FGF12: variants seen among roughly 807,000 people sequenced by gnomAD.
The protein encoded by FGF12 is fibroblast growth factor 12B.
Under a neutral mutation model 23.6 loss-of-function variants are expected in FGF12, and 14 were observed. The ratio of observed to expected loss-of-function variants is 0.59; its 90% CI spans 0.39 to 0.93. The LOEUF (loss-of-function observed/expected upper bound fraction) is 0.93, where lower values mean the gene tolerates loss of function less well. Among genes scored for constraint, FGF12 ranks in the 40% least tolerant of loss-of-function variants. The pLI is 0.00. For missense variants in FGF12, 175 were observed against 217.8 expected (o/e 0.80, Z 1.24); for synonymous variants, 62 against 77.3 (o/e 0.80, Z 1.04).
intron 2 of FGF12, among the ~76,000 whole-genome samples, chr3:192,685,165 C>A (rs1717686948): frequency 6.6e-6 from 1 of 152,146 alleles, no homozygotes; most frequent in Admixed American, 6.5e-5. Context: ...ATTCTCCAGC[C>A]TCAGCCTCCC....
chr3:192,619,062 C>G (rs1714874168), intron 2 of FGF12, among the ~76,000 whole-genome samples: 1 of 151,818 alleles, frequency 6.6e-6, no homozygotes, highest in Non-Finnish European at 1.5e-5. Flanking sequence ...ATTAAATTAG[C>G]TAATTAAAGG....
intron 2 of FGF12, among the ~76,000 whole-genome samples, chr3:192,417,373 T>G (rs1408873719): frequency 7.1e-6 from 1 of 140,964 alleles, no homozygotes; most frequent in Non-Finnish European, 1.5e-5. Context: ...AAAAAAAAAA[T>G]GCTAAAAATG....
chr3:192,677,687 C>T (rs1022075109), intron 2 of FGF12, among the ~76,000 whole-genome samples: 2 of 152,176 alleles, frequency 1.3e-5, no homozygotes, highest in Non-Finnish European at 1.5e-5. Flanking sequence ...TGACCTCAAC[C>T]TTTTATTATA....
At position 192,678,723 on chromosome 3, in the gene FGF12, C is replaced by T. The variant is rs145820983; in HGVS notation, c.13+48458G>A. 3.6e-3 allele frequency among the ~76,000 whole-genome samples: 549 copies of T among 152,220 alleles called. 3 individuals are homozygous for T. The highest frequency in any genetic ancestry group is 0.013 in the African/African-American group (520 of 41,534). On this transcript the variant is annotated intron_variant, in intron 2 of 5. Transcript: ENST00000445105. ...GTAAGAAGTTCTCCATAAACATTTA[C>T]GGGATAAAGAAAAACAGGGTCAGTG...
intron 4 of FGF12, among the ~76,000 whole-genome samples, chr3:192,225,237 A>G (rs997067742): frequency 6.6e-6 from 1 of 152,134 alleles, no homozygotes; most frequent in African/African-American, 2.4e-5. Flanking sequence ...AAACCTCAGT[A>G]TGCTCATCCT....
At chr3:192,445,548 G>T (rs1275722969) in intron 2 of FGF12, among the ~76,000 whole-genome samples, 2 of 152,096 alleles carry the variant, frequency 1.3e-5, no homozygotes, top group Non-Finnish European at 2.9e-5. Context: ...TTCACCCCAA[G>T]AACATCCTTA....
At chr3:192,276,492 A>G (rs1713796511) in intron 4 of FGF12, among the ~76,000 whole-genome samples, 2 of 152,210 alleles carry the variant, frequency 1.3e-5, no homozygotes, top group Non-Finnish European at 2.9e-5. Flanking sequence ...CAGATAACCA[A>G]GGTGCCTTAT....
Position 192,270,896 on chromosome 3 carries a change from T to G in FGF12, c.228+64465A>C, listed in dbSNP as rs142984414. Among the ~76,000 whole-genome samples the G allele has an allele frequency of 3.6e-3, 551 of 152,192 alleles. 3 individuals are homozygous for G. The highest frequency in any genetic ancestry group is 7.1e-3 in the South Asian group (34 of 4,818). ...AATAGGGAGATATAATGGGTGTTGG[T>G]GGATGTTAGAATTCCACCAAAAACA... On this transcript the variant is annotated intron_variant, in intron 4 of 5. Coordinates refer to ENST00000445105, the MANE Select transcript of FGF12 (RefSeq NM_004113.6).
chr3:192,206,768 T>A (rs1450525860), intron 4 of FGF12, among the ~76,000 whole-genome samples: 1 of 152,162 alleles, frequency 6.6e-6, no homozygotes. Context: ...TTGAAACAAA[T>A]GGTGAGCAAA....
At chr3:192,320,030 A>G (rs1716451075) in intron 4 of FGF12, among the ~76,000 whole-genome samples, 1 of 152,206 alleles carries the variant, frequency 6.6e-6, no homozygotes, top group South Asian at 2.1e-4. Flanking sequence ...TAAATGAAAT[A>G]ACTATCCAAT....
intron 2 of FGF12, among the ~76,000 whole-genome samples, chr3:192,407,337 T>C (rs1387205700): frequency 6.6e-6 from 1 of 152,038 alleles, no homozygotes; most frequent in African/African-American, 2.4e-5. Context: ...AGTATGGTAA[T>C]AGGACAGAAA....
intron 4 of FGF12, among the ~76,000 whole-genome samples, chr3:192,206,066 G>A (rs1717635092): frequency 6.6e-6 from 1 of 152,214 alleles, no homozygotes; most frequent in Non-Finnish European, 1.5e-5. Flanking sequence ...TGCTAATATG[G>A]AGACAATTAC....
chr3:192,711,368 T>TG lies in FGF12; in HGVS notation c.13+15812dup, dbSNP rs1218831403. Among the ~76,000 whole-genome samples, 502 of 151,520 alleles carry TG rather than the reference T, an allele frequency of 3.3e-3. 7 individuals are homozygous for TG. The highest frequency in any genetic ancestry group is 0.011 in the African/African-American group (465 of 41,288). On this transcript the variant is annotated intron_variant, in intron 2 of 5. Coordinates refer to ENST00000445105, the MANE Select transcript of FGF12 (RefSeq NM_004113.6). ...CCCAGCCGCCGTCCCGTCCGGGAGG[T>TG]GGGGGGCGCCTCTGCCCGGCCGCCC...
At chr3:192,319,003 C>T (rs1482654562) in intron 4 of FGF12, among the ~76,000 whole-genome samples, 1 of 151,862 alleles carries the variant, frequency 6.6e-6, no homozygotes, top group Non-Finnish European at 1.5e-5. Flanking sequence ...AACTTGTATC[C>T]TAGAATAGAA....
chr3:192,617,630 G>T (rs1036038015), intron 2 of FGF12, among the ~76,000 whole-genome samples: 1 of 152,076 alleles, frequency 6.6e-6, no homozygotes, highest in African/African-American at 2.4e-5. Context: ...CCAACCTGAG[G>T]CTCTTATTAA....
chr3:192,649,042 G>A (rs115871195), intron 2 of FGF12, among the ~76,000 whole-genome samples: 3 of 152,294 alleles, frequency 2.0e-5, no homozygotes, highest in South Asian at 4.1e-4. Flanking sequence ...ACTCTATCAT[G>A]TTAAAAATCA....
At chr3:192,301,878 T>C (rs534896995) in intron 4 of FGF12, among the ~76,000 whole-genome samples, 3 of 152,240 alleles carry the variant, frequency 2.0e-5, no homozygotes, top group East Asian at 3.9e-4. Context: ...AGGCAAACTT[T>C]CGCCATCTAA....
chr3:192,173,295 C>A (rs1488958240), intron 4 of FGF12, among the ~76,000 whole-genome samples: 2 of 150,528 alleles, frequency 1.3e-5, no homozygotes, highest in Non-Finnish European at 3.0e-5. Flanking sequence ...CAATTGATAT[C>A]TCAATGAAAA....
intron 2 of FGF12, among the ~76,000 whole-genome samples, chr3:192,701,986 C>T (rs574676179): frequency 1.3e-5 from 2 of 152,264 alleles, no homozygotes; most frequent in African/African-American, 4.8e-5. Flanking sequence ...TCCTACATAA[C>T]TGAAACTTTT....
Sources: gnomAD v4.1 joint callset for allele counts (sites outside exome capture counted in the v4.1 genomes callset) on GRCh38, gnomAD v4.1.1 for gene constraint, MANE v1.5 for transcripts, NCBI Gene and HGNC (gene_info 2026-07-23, HGNC 2026-07-21) for gene names.